XKR6: variants seen among roughly 807,000 people sequenced by gnomAD.
The protein encoded by XKR6 is XK-related protein 6.
In XKR6, 22 loss-of-function variants were observed where a neutral mutation model predicts 56.7. The observed-to-expected ratio is 0.39, with a 90% CI of 0.28 to 0.55. XKR6 has a LOEUF of 0.55. Ranked by LOEUF, XKR6 falls within the 20% of genes least tolerant of loss-of-function variation. The pLI is 0.66. For missense variants in XKR6, 852 were observed against 889.0 expected, an observed-to-expected ratio of 0.96 and a Z score of 0.53; for synonymous variants, 524 against 387.8, an observed-to-expected ratio of 1.35 and a Z score of -4.13.
chr8:11,110,497 A>G (rs555891933), intron 1 of XKR6, among the ~76,000 whole-genome samples: 1 of 152,304 alleles, frequency 6.6e-6, no homozygotes, highest in Non-Finnish European at 1.5e-5. Context: ...GAATACACGA[A>G]CATTCCACTG....
chr8:11,147,215 T>C (rs1586614223), intron 1 of XKR6, among the ~76,000 whole-genome samples: 2 of 152,126 alleles, frequency 1.3e-5, no homozygotes, highest in South Asian at 2.1e-4. Context: ...CCCAAACTTA[T>C]CAAGTTGTAT....
At chr8:10,980,151 G>T (rs927132425) in intron 1 of XKR6, among the ~76,000 whole-genome samples, 1 of 152,216 alleles carries the variant, frequency 6.6e-6, no homozygotes, top group African/African-American at 2.4e-5. Flanking sequence ...AAGGGGGAAC[G>T]TCTGAGCTTG....
In XKR6 at chr8:10,899,475, G is replaced by A. The variant is rs372454742; in HGVS notation, c.962-559C>T. 1.1e-3 allele frequency among the ~76,000 whole-genome samples: 162 copies of A among 152,274 alleles called. 4 individuals are homozygous for A. The South Asian group carries it at 0.033, about 31-fold the overall frequency. ...AGGCCCTTTCCTGAACCTTCTTCCA[G>A]TTAGCTTCTCCCTGACCTGCCACCC... is the stretch of plus-strand genomic sequence containing the variant. On this transcript the variant is annotated intron_variant, in intron 2 of 2. Transcript: ENST00000416569.
chr8:11,174,001 A>G (rs543362046), intron 1 of XKR6, among the ~76,000 whole-genome samples: 3 of 152,326 alleles, frequency 2.0e-5, no homozygotes, highest in African/African-American at 4.8e-5. Context: ...TATTCTATGC[A>G]TATCTGTATT....
At chr8:11,178,664 T>C (rs576801836) in intron 1 of XKR6, among the ~76,000 whole-genome samples, 6 of 133,792 alleles carry the variant, frequency 4.5e-5, no homozygotes, top group East Asian at 2.0e-4. Context: ...TATATATATA[T>C]ACACAGAGAT....
intron 1 of XKR6, among the ~76,000 whole-genome samples, chr8:11,069,363 G>A (rs1800060177): frequency 6.6e-6 from 1 of 152,056 alleles, no homozygotes; most frequent in Non-Finnish European, 1.5e-5. Context: ...ACCAGAGGAT[G>A]CCAGCTCTCC....
rs369515789 is a variant in XKR6, at chr8:11,145,482, C to T, written c.764+55094G>A. 2.8e-4 allele frequency among the ~76,000 whole-genome samples: 42 copies of T among 152,156 alleles called. 1 individual carries two copies. The East Asian group carries it at 7.3e-3, about 27-fold the overall frequency. ...ATCATCTACACAGAAATTCCCATAG[C>T]CGCTACCAAAAAAAAGTTTCTGCAA... On this transcript the variant is annotated intron_variant, in intron 1 of 2. Transcript: ENST00000416569.
At chr8:10,965,172 G>A (rs1405168805) in intron 1 of XKR6, among the ~76,000 whole-genome samples, 1 of 152,196 alleles carries the variant, frequency 6.6e-6, no homozygotes, top group Admixed American at 6.5e-5. Context: ...GGGTCCTGTG[G>A]ACACACGTCC....
intron 1 of XKR6, among the ~76,000 whole-genome samples, chr8:11,165,164 A>C (rs190001440): frequency 7.5e-6 from 1 of 133,390 alleles, no homozygotes; most frequent in Admixed American, 8.9e-5. Context: ...CAATGGCACG[A>C]TCTTGGCTCA....
intron 1 of XKR6, among the ~76,000 whole-genome samples, chr8:10,952,738 C>T (rs1801763135): frequency 6.6e-6 from 1 of 152,160 alleles, no homozygotes; most frequent in South Asian, 2.1e-4. Context: ...GTGTTTGGAT[C>T]ACGGGGGCGG....
chr8:11,157,441 C>G (rs150307437), intron 1 of XKR6, among the ~76,000 whole-genome samples: 61 of 152,188 alleles, frequency 4.0e-4, no homozygotes, highest in Non-Finnish European at 7.6e-4. Flanking sequence ...TATCTTTAAG[C>G]TTTTCTGTAA....
At chr8:10,951,409 C>T (rs868718787) in intron 1 of XKR6, among the ~76,000 whole-genome samples, 22 of 152,104 alleles carry the variant, frequency 1.4e-4, no homozygotes, top group African/African-American at 5.3e-4. Flanking sequence ...GGGGAATGGG[C>T]TTGCAGTGGA....
chr8:11,201,383 C>CGGGGGGGGGGGGGGGGGAGGGG lies in XKR6; in HGVS notation c.-45_-44insCCCCTCCCCCCCCCCCCCCCCC. 6.4e-6 allele frequency: 1 copy of CGGGGGGGGGGGGGGGGGAGGGG among 155,874 alleles called. No individual in the cohort carries two copies. Among genetic ancestry groups the CGGGGGGGGGGGGGGGGGAGGGG allele is most frequent in the Non-Finnish European group, 1.1e-5 (1 of 88,066 alleles). The allele number at this position is 155,874 out of a possible 1,614,324, so 9.7% of individuals were successfully genotyped here. On this transcript the variant is annotated 5_prime_UTR_variant, in exon 1 of 3. Transcript: ENST00000416569. ...TCCGGAGGTTGGGGGGGAGGGACGG[C>CGGGGGGGGGGGGGGGGGAGGGG]GGGGGGGGGGGGAAGAAGGCAGGGA... is the stretch of plus-strand genomic sequence containing the variant.
rs1371958203 is a variant in XKR6 at position 10,897,728 on chromosome 8, T to C, written c.*224A>G. ...TCTTTTTGTTTTTACTTACAAAACA[T>C]AGAGAATATCTTTGTATACATACAG... On this transcript the variant is annotated 3_prime_UTR_variant, in exon 3 of 3. Transcript: ENST00000416569. The C allele has an allele frequency of 6.6e-6, 3 of 454,340 alleles. No homozygotes were observed. Among genetic ancestry groups the C allele is most frequent in the Non-Finnish European group, 1.1e-5 (3 of 269,052 alleles). 28.1% of individuals were successfully genotyped at this position (454,340 alleles called of 1,614,324 possible). A position where few individuals can be genotyped will look rare whatever the true frequency, so the allele number is the denominator to read the frequency against.
chr8:10,915,467 C>A (rs960794837), intron 2 of XKR6, among the ~76,000 whole-genome samples: 24 of 152,076 alleles, frequency 1.6e-4, no homozygotes, highest in African/African-American at 5.8e-4. Context: ...CATCTGCATT[C>A]ACTGTCATGA....
chr8:11,055,237 G>A (rs956165193), intron 1 of XKR6, among the ~76,000 whole-genome samples: 3 of 152,154 alleles, frequency 2.0e-5, no homozygotes, highest in Non-Finnish European at 2.9e-5. Context: ...GAAGCAGCGT[G>A]GGGTGGATGA....
chr8:11,181,646 A>C (rs1323017276), intron 1 of XKR6, among the ~76,000 whole-genome samples: 3 of 152,222 alleles, frequency 2.0e-5, no homozygotes, highest in African/African-American at 7.2e-5. Context: ...AAGGAAGAAA[A>C]TTTGGTGAGG....
intron 1 of XKR6, among the ~76,000 whole-genome samples, chr8:11,155,456 A>G (rs1801476430): frequency 6.6e-6 from 1 of 152,234 alleles, no homozygotes; most frequent in Non-Finnish European, 1.5e-5. Flanking sequence ...AAATTAATAA[A>G]GACTTCACAA....
chr8:11,058,595 C>G lies in XKR6; in HGVS notation c.765-133765G>C, dbSNP rs543634978. On this transcript the variant is annotated intron_variant, in intron 1 of 2. Transcript: ENST00000416569. Reference sequence around the variant, plus strand: ...AGCAAACTAACACAGGAACAGAAAACCAAACACCACATGTTCTCACTCATA... The same window carrying G: ...AGCAAACTAACACAGGAACAGAAAAGCAAACACCACATGTTCTCACTCATA... Among the ~76,000 whole-genome samples, 299 of 152,264 alleles carry G rather than the reference C, an allele frequency of 2.0e-3. 2 individuals are homozygous for G. Among genetic ancestry groups the G allele is most frequent in the African/African-American group, 6.2e-3 (259 of 41,530 alleles).
Sources: allele counts gnomAD v4.1 joint callset (sites outside exome capture counted in the v4.1 genomes callset), GRCh38; gene constraint gnomAD v4.1.1; transcripts MANE v1.5; gene names NCBI Gene and HGNC (gene_info 2026-07-23, HGNC 2026-07-21).